NT5DC1: variants seen among roughly 807,000 people sequenced by gnomAD.
NT5DC1 encodes the protein 5'-nucleotidase domain-containing protein 1.
NT5DC1 carries 42 observed loss-of-function variants against 59.4 expected under a neutral mutation model. That is an observed-to-expected ratio of 0.71 (90% CI 0.55 to 0.92). The LOEUF is 0.92. Ranked by LOEUF, NT5DC1 falls within the 40% of genes least tolerant of loss-of-function variation. The pLI is 0.00. For synonymous variants in NT5DC1, 172 were observed against 188.1 expected, an observed-to-expected ratio of 0.91 and a Z score of 0.70; for missense variants, 501 against 537.1, an observed-to-expected ratio of 0.93 and a Z score of 0.66.
chr6:116,176,953 A>T (rs1419173267), intron 6 of NT5DC1, among the ~76,000 whole-genome samples: 1 of 152,210 alleles, frequency 6.6e-6, no homozygotes, highest in Non-Finnish European at 1.5e-5. Context: ...AGTTTATAAG[A>T]ACTTTAGATA....
At chr6:116,216,147 C>T (rs1045932018) in intron 6 of NT5DC1, among the ~76,000 whole-genome samples, 1 of 151,952 alleles carries the variant, frequency 6.6e-6, no homozygotes, top group Non-Finnish European at 1.5e-5. Context: ...ACCACAATGA[C>T]ATTTAAGATA....
intron 8 of NT5DC1, among the ~76,000 whole-genome samples, chr6:116,234,203 A>T (rs1177626342): frequency 6.6e-6 from 1 of 151,404 alleles, no homozygotes; most frequent in Non-Finnish European, 1.5e-5. Flanking sequence ...CTCGTGATCC[A>T]CCTGCCTCAG....
chr6:116,157,315 C>T lies in NT5DC1; in HGVS notation c.529+39370C>T, dbSNP rs144567712. Among the ~76,000 whole-genome samples, 518 of 152,210 alleles carry T rather than the reference C, an allele frequency of 3.4e-3. 15 individuals are homozygous for T. In the South Asian group the frequency reaches 0.045, roughly 13 times the overall value. On this transcript the variant is annotated intron_variant, in intron 6 of 11. Coordinates refer to ENST00000319550, the MANE Select transcript of NT5DC1 (RefSeq NM_152729.3). Reference sequence around the variant, plus strand: ...TTGTGTGGCACCAGTCAGTTGTCAACGTAACTTGGTTAGTGGAACCCTAGA... The same window carrying T: ...TTGTGTGGCACCAGTCAGTTGTCAATGTAACTTGGTTAGTGGAACCCTAGA...
At chr6:116,122,089 C>T in intron 6 of NT5DC1, 1 of 903,290 alleles carries the variant, frequency 1.1e-6, no homozygotes, top group South Asian at 1.3e-5. Context: ...GTAGACAGAA[C>T]AGTCTGAAAT....
chr6:116,162,630 G>T (rs1343852836), intron 6 of NT5DC1, among the ~76,000 whole-genome samples: 1 of 152,118 alleles, frequency 6.6e-6, no homozygotes, highest in Admixed American at 6.6e-5. Flanking sequence ...AAACCCACTT[G>T]ATCGTGATGA....
intron 6 of NT5DC1, among the ~76,000 whole-genome samples, chr6:116,129,937 C>A (rs1436362703): frequency 6.6e-6 from 1 of 152,156 alleles, no homozygotes; most frequent in Admixed American, 6.5e-5. Flanking sequence ...CACACAGATA[C>A]AGCACACACA....
In NT5DC1 at chr6:116,236,881, C is replaced by T; in HGVS notation, c.803-85C>T. 3.2e-5 allele frequency: 25 copies of T among 786,986 alleles called. No homozygotes were observed. In the South Asian group the frequency reaches 3.9e-4, roughly 12 times the overall value. The allele number at this position is 786,986 out of a possible 1,614,324, so 48.8% of individuals were successfully genotyped here. On this transcript the variant is annotated intron_variant, in intron 8 of 11. Coordinates refer to ENST00000319550, the MANE Select transcript of NT5DC1 (RefSeq NM_152729.3). Reference sequence around the variant, plus strand: ...CACAAGGTTCTTGTTTGTACATGTCCTGTAGCCATGCCCTAAGTGTGGTCT... The same window carrying T: ...CACAAGGTTCTTGTTTGTACATGTCTTGTAGCCATGCCCTAAGTGTGGTCT...
chr6:116,107,729 C>T (rs1014653893), intron 2 of NT5DC1, among the ~76,000 whole-genome samples: 9 of 151,816 alleles, frequency 5.9e-5, no homozygotes, highest in Admixed American at 2.6e-4. Context: ...CCCGCCACTA[C>T]GCCCGGCTAA....
chr6:116,193,163 G>C (rs908495030), intron 6 of NT5DC1, among the ~76,000 whole-genome samples: 1 of 151,992 alleles, frequency 6.6e-6, no homozygotes, highest in Non-Finnish European at 1.5e-5. Flanking sequence ...AACTCTTTGT[G>C]TAATGGCCTT....
chr6:116,148,891 A>G (rs1779963843), intron 6 of NT5DC1, among the ~76,000 whole-genome samples: 2 of 152,176 alleles, frequency 1.3e-5, no homozygotes, highest in African/African-American at 4.8e-5. Context: ...TTTAAAATAC[A>G]TGTATTACAT....
At chr6:116,178,105 G>A (rs1415335165) in intron 6 of NT5DC1, among the ~76,000 whole-genome samples, 5 of 89,510 alleles carry the variant, frequency 5.6e-5, no homozygotes, top group South Asian at 3.0e-4. Flanking sequence ...GCGCGCGCGT[G>A]CGTGCGTGTG....
At chr6:116,200,550 A>T (rs1781327418) in intron 6 of NT5DC1, among the ~76,000 whole-genome samples, 1 of 152,076 alleles carries the variant, frequency 6.6e-6, no homozygotes, top group Admixed American at 6.6e-5. Context: ...ACTAAAATTA[A>T]AATTTTATTT....
chr6:116,121,742 G>A, intron 6 of NT5DC1: 1 of 1,613,870 alleles, frequency 6.2e-7, no homozygotes, highest in Non-Finnish European at 8.5e-7. Flanking sequence ...ATCTCCTTTT[G>A]GTCCATATGG....
At chr6:116,171,129 G>A (rs1780595688) in intron 6 of NT5DC1, among the ~76,000 whole-genome samples, 2 of 151,846 alleles carry the variant, frequency 1.3e-5, no homozygotes, top group South Asian at 4.2e-4. Context: ...TCCATAGTAG[G>A]TGTTCCATAA....
chr6:116,207,415 A>C (rs1007372585), intron 6 of NT5DC1, among the ~76,000 whole-genome samples: 1 of 152,090 alleles, frequency 6.6e-6, no homozygotes, highest in South Asian at 2.1e-4. Context: ...TGATAGATAC[A>C]TATGTCCATA....
intron 6 of NT5DC1, among the ~76,000 whole-genome samples, chr6:116,169,441 C>T (rs1780558222): frequency 1.3e-5 from 2 of 152,126 alleles, no homozygotes; most frequent in Non-Finnish European, 2.9e-5. Flanking sequence ...TCTGTAAGTT[C>T]AGTAAGCATA....
chr6:116,154,612 G>A (rs1467256386), intron 6 of NT5DC1, among the ~76,000 whole-genome samples: 3 of 152,112 alleles, frequency 2.0e-5, no homozygotes, highest in Non-Finnish European at 4.4e-5. Flanking sequence ...CAGTTTGAAA[G>A]TACACAGTTC....
In NT5DC1 at chr6:116,238,267, G is replaced by A; in HGVS notation, c.1002G>A (p.Leu334=). The A allele has an allele frequency of 1.9e-6, 3 of 1,612,550 alleles. No individual in the cohort carries two copies. Among genetic ancestry groups the A allele is most frequent in the Non-Finnish European group, 2.5e-6 (3 of 1,178,956 alleles). ...HYSNWETVLI[L]EELRGDEGTR... ...GTAATTGGGAGACAGTCCTCATCCT[G>A]GAAGAACTCAGAGGGGATGAAGGCA... The change falls in exon 10 of 12, where the codon CTG becomes CTA. Residue 334 remains leucine, a synonymous_variant. Coordinates refer to ENST00000319550, the MANE Select transcript of NT5DC1 (RefSeq NM_152729.3).
chr6:116,122,209 A>T (rs1779152516), intron 6 of NT5DC1, among the ~76,000 whole-genome samples: 1 of 152,188 alleles, frequency 6.6e-6, no homozygotes, highest in South Asian at 2.1e-4. Context: ...GATTCATGAA[A>T]ATGAGCTAGG....
Sources: gnomAD v4.1 joint callset for allele counts (sites outside exome capture counted in the v4.1 genomes callset) on GRCh38, gnomAD v4.1.1 for gene constraint, MANE v1.5 for transcripts, NCBI Gene and HGNC (gene_info 2026-07-23, HGNC 2026-07-21) for gene names.